Variants in GLIS1 observed in about 807,000 individuals in gnomAD.
The protein encoded by GLIS1 is zinc finger protein GLIS1.
In GLIS1, 24 loss-of-function variants were observed where a neutral mutation model predicts 63.8. The observed-to-expected ratio is 0.38, with a 90% CI of 0.27 to 0.53. GLIS1 has a LOEUF of 0.53. GLIS1 is among the 20% of genes least tolerant of loss of function. The pLI is 0.85. For synonymous variants in GLIS1, 450 were observed against 482.5 expected, an observed-to-expected ratio of 0.93 and a Z score of 0.88; for missense variants, 1,036 against 1,074.1, an observed-to-expected ratio of 0.96 and a Z score of 0.50.
chr1:53,656,897 G>A (rs774664248), intron 2 of GLIS1, among the ~76,000 whole-genome samples: 7 of 152,232 alleles, frequency 4.6e-5, no homozygotes, highest in East Asian at 1.9e-4. Context: ...AGACAGGTAC[G>A]TGCAAATCTG....
At chr1:53,565,284 A>C (rs1644927637) in intron 4 of GLIS1, among the ~76,000 whole-genome samples, 1 of 152,058 alleles carries the variant, frequency 6.6e-6, no homozygotes, top group Non-Finnish European at 1.5e-5. Context: ...TTTATGCTAG[A>C]AAAAAAGGCT....
intron 4 of GLIS1, among the ~76,000 whole-genome samples, chr1:53,572,601 C>T (rs529642083): frequency 6.6e-5 from 10 of 152,352 alleles, no homozygotes; most frequent in African/African-American, 2.4e-4. Flanking sequence ...GGGACGTTTA[C>T]ATTCCTGGTG....
At chr1:53,723,946 G>A (rs1646781343) in intron 2 of GLIS1, among the ~76,000 whole-genome samples, 1 of 152,204 alleles carries the variant, frequency 6.6e-6, no homozygotes, top group African/African-American at 2.4e-5. Flanking sequence ...GGGGTGAGCT[G>A]GCTCTGGGTT....
intron 2 of GLIS1, among the ~76,000 whole-genome samples, chr1:53,629,842 C>T (rs1645633611): frequency 6.6e-6 from 1 of 152,216 alleles, no homozygotes; most frequent in Admixed American, 6.5e-5. Flanking sequence ...CTTGACCATT[C>T]CTGCACACAT....
chr1:53,707,369 C>T (rs532456575), intron 2 of GLIS1, among the ~76,000 whole-genome samples: 15 of 152,266 alleles, frequency 9.9e-5, no homozygotes, highest in South Asian at 2.1e-4. Flanking sequence ...AAATCAAAAC[C>T]GGCCGAGCAC....
chr1:53,589,999 C>T (rs1380285278), intron 4 of GLIS1, among the ~76,000 whole-genome samples: 1 of 152,220 alleles, frequency 6.6e-6, no homozygotes. Flanking sequence ...GCTACAGTCT[C>T]AAGTCCAGGC....
At chr1:53,541,058 G>A (rs1025529228) in intron 4 of GLIS1, among the ~76,000 whole-genome samples, 4 of 152,172 alleles carry the variant, frequency 2.6e-5, no homozygotes, top group African/African-American at 9.7e-5. Context: ...TGTGGGGGTG[G>A]GAGCTGGGCT....
intron 4 of GLIS1, among the ~76,000 whole-genome samples, chr1:53,544,059 G>C (rs1402221980): frequency 6.6e-6 from 1 of 152,216 alleles, no homozygotes; most frequent in African/African-American, 2.4e-5. Context: ...TGGCTCAGCA[G>C]AGCTGCGCCA....
At chr1:53,695,789 G>A (rs1646459580) in intron 2 of GLIS1, among the ~76,000 whole-genome samples, 1 of 152,212 alleles carries the variant, frequency 6.6e-6, no homozygotes, top group Non-Finnish European at 1.5e-5. Context: ...AGGGTATTGG[G>A]TTTATATACA....
At chr1:53,706,415 G>A (rs1463849203) in intron 2 of GLIS1, among the ~76,000 whole-genome samples, 3 of 152,180 alleles carry the variant, frequency 2.0e-5, no homozygotes, top group Non-Finnish European at 4.4e-5. Context: ...AGATGGTTGA[G>A]AGGAAGAGGG....
At chr1:53,707,560 G>C (rs1197106102) in intron 2 of GLIS1, among the ~76,000 whole-genome samples, 1 of 151,842 alleles carries the variant, frequency 6.6e-6, no homozygotes, top group African/African-American at 2.4e-5. Context: ...TGAGGCAGGA[G>C]AATCACTTGA....
intron 2 of GLIS1, among the ~76,000 whole-genome samples, chr1:53,732,026 T>C (rs1453047786): frequency 6.6e-6 from 1 of 152,246 alleles, no homozygotes; most frequent in Non-Finnish European, 1.5e-5. Flanking sequence ...CAATGGCTCA[T>C]GTGTTAGCTC....
chr1:53,583,122 C>T (rs1165333533), intron 4 of GLIS1, among the ~76,000 whole-genome samples: 11 of 152,278 alleles, frequency 7.2e-5, no homozygotes, highest in Admixed American at 5.2e-4. Context: ...CTAGGGACAG[C>T]GGGAAGATCA....
chr1:53,676,326 G>A (rs1646212081), intron 2 of GLIS1, among the ~76,000 whole-genome samples: 1 of 152,148 alleles, frequency 6.6e-6, no homozygotes, highest in Admixed American at 6.5e-5. Flanking sequence ...ATCGGCCCAG[G>A]CCTGGACTGA....
intron 2 of GLIS1, among the ~76,000 whole-genome samples, chr1:53,702,966 C>T (rs1265128446): frequency 6.6e-6 from 1 of 152,206 alleles, no homozygotes; most frequent in African/African-American, 2.4e-5. Context: ...GGCATCAAGG[C>T]TCTCATCTGC....
At position 53,600,195 on chromosome 1, in the gene GLIS1, A is replaced by C; in HGVS notation, c.343T>G (p.Cys115Gly). ...LDLAEGPGPT[C>G]CQGLFLPAGS... ...GCAGGGAGAAACAGGCCCTGGCAGCAGGTGGGGCCAGGGCCCTCAGCAAGG... is the reference window on the plus strand; with the variant it reads ...GCAGGGAGAAACAGGCCCTGGCAGCCGGTGGGGCCAGGGCCCTCAGCAAGG... The change falls in exon 3 of 11, where the codon TGC becomes GGC. Residue 115 changes from cysteine to glycine, a missense_variant. This residue lies in a region of GLIS1 where 592 missense variants were observed against 593.9 expected (regional missense o/e 1.00). Transcript: ENST00000628545. 8.1e-7 allele frequency: 1 copy of C among 1,231,848 alleles called. No homozygotes were observed. The highest frequency in any genetic ancestry group is 1.0e-6 in the Non-Finnish European group (1 of 987,700). 76.3% of individuals were successfully genotyped at this position (1,231,848 alleles called of 1,614,324 possible). A position where few individuals can be genotyped will look rare whatever the true frequency, so the allele number is the denominator to read the frequency against.
intron 2 of GLIS1, among the ~76,000 whole-genome samples, chr1:53,621,455 T>C (rs1236394305): frequency 6.6e-6 from 1 of 152,234 alleles, no homozygotes; most frequent in Non-Finnish European, 1.5e-5. Flanking sequence ...GTGGGCCAAC[T>C]TGATGAACAT....
intron 2 of GLIS1, among the ~76,000 whole-genome samples, chr1:53,660,971 C>A (rs1646021931): frequency 6.6e-6 from 1 of 152,164 alleles, no homozygotes; most frequent in African/African-American, 2.4e-5. Context: ...TGTGTGCTGG[C>A]AGACCCATGT....
At position 53,598,195 on chromosome 1, in the gene GLIS1, A is replaced by T. The variant is rs1475092547; in HGVS notation, c.437+1906T>A. Among the ~76,000 whole-genome samples, 2 of 152,342 alleles carry T rather than the reference A, an allele frequency of 1.3e-5. No individual in the cohort carries two copies. Among genetic ancestry groups the T allele is most frequent in the East Asian group, 1.9e-4 (1 of 5,186 alleles). On this transcript the variant is annotated intron_variant, in intron 3 of 10. Coordinates refer to ENST00000628545, the MANE Select transcript of GLIS1 (RefSeq NM_001367484.1). The surrounding 1 kb of genome is among the most constrained non-coding windows in gnomAD (Gnocchi z 4.6). Reference sequence around the variant, plus strand: ...GACAGAGCCTTTAAATAAATAATTAAGGCTAAACAAGGTTATAAGGTTGAG... The same window carrying T: ...GACAGAGCCTTTAAATAAATAATTATGGCTAAACAAGGTTATAAGGTTGAG...
Sources: gnomAD v4.1 joint callset for allele counts (sites outside exome capture counted in the v4.1 genomes callset) on GRCh38, gnomAD v4.1.1 for gene constraint, gnomAD v4.1.1 regional missense constraint, Gnocchi (gnomAD v3.1) non-coding constraint, MANE v1.5 for transcripts, NCBI Gene and HGNC (gene_info 2026-07-23, HGNC 2026-07-21) for gene names.